SLC12A3: variants seen among roughly 807,000 people sequenced by gnomAD.
SLC12A3 encodes the protein Na-Cl cotransporter.
Under a neutral mutation model 121.0 loss-of-function variants are expected in SLC12A3, and 104 were observed. The ratio of observed to expected loss-of-function variants is 0.86; its 90% CI spans 0.73 to 1.01. The LOEUF (loss-of-function observed/expected upper bound fraction) is 1.01, where lower values mean the gene tolerates loss of function less well. Ranked by LOEUF, SLC12A3 falls within the 50% of genes least tolerant of loss-of-function variation. The pLI, the probability that SLC12A3 is intolerant of heterozygous loss-of-function variation, is 0.00. For synonymous variants in SLC12A3, 536 were observed against 533.4 expected (o/e 1.00, Z -0.07); for missense variants, 1,328 against 1,356.3 (o/e 0.98, Z 0.33).
At chr16:56,881,141 G>T (rs1193152282) in intron 12 of SLC12A3, among the ~76,000 whole-genome samples, 8 of 152,206 alleles carry the variant, frequency 5.3e-5, no homozygotes, top group Admixed American at 2.0e-4. Flanking sequence ...AGTGGGATGG[G>T]GGTAGACTAC....
At chr16:56,896,071 A>G (rs1300052180) in intron 22 of SLC12A3, among the ~76,000 whole-genome samples, 1 of 152,246 alleles carries the variant, frequency 6.6e-6, no homozygotes, top group African/African-American at 2.4e-5. Flanking sequence ...GGCCATGGTC[A>G]GTACCTGTTG....
chr16:56,872,578 G>A (rs2055112245), intron 7 of SLC12A3, 78 bp from the exon 8 acceptor site: 1 of 1,605,940 alleles, frequency 6.2e-7, no homozygotes, highest in Non-Finnish European at 8.5e-7. Flanking sequence ...ATGGTCAGGG[G>A]CTGCCTGCCC....
At chr16:56,891,839 C>T (rs193195824) in intron 19 of SLC12A3, among the ~76,000 whole-genome samples, 50 of 152,294 alleles carry the variant, frequency 3.3e-4, no homozygotes, top group African/African-American at 1.2e-3. Flanking sequence ...CCCACCGCCA[C>T]GGCCCAAGGT....
At chr16:56,891,587 A>G (rs2055389382) in intron 19 of SLC12A3, among the ~76,000 whole-genome samples, 2 of 152,112 alleles carry the variant, frequency 1.3e-5, no homozygotes, top group African/African-American at 2.4e-5. Context: ...CTCCTGACCA[A>G]CGCTGCTCTT....
chr16:56,879,088 G>T lies in SLC12A3; in HGVS notation c.1196G>T (p.Arg399Leu), dbSNP rs13306668. The change falls in exon 10 of 26, where the codon CGT becomes CTT. Residue 399 changes from arginine (R) to leucine (L), a missense_variant. Physicochemically the swap from Arg to Leu is moderately radical, Grantham distance 102. Transcript: ENST00000563236. ...ISATIGSCVV[R>L]DASGVLNDTV... Reference sequence around the variant, plus strand: ...CTCCTCTCAGGCTCCTGCGTGGTGCGTGATGCCTCTGGGGTCCTGAATGAC... The same window carrying T: ...CTCCTCTCAGGCTCCTGCGTGGTGCTTGATGCCTCTGGGGTCCTGAATGAC... 3.4e-5 allele frequency: 54 copies of T among 1,611,700 alleles called. No homozygotes were observed. The highest frequency in any genetic ancestry group is 7.7e-5 in the South Asian group (7 of 90,656).
intron 9 of SLC12A3, 108 bp downstream of exon 9, chr16:56,878,269 C>A (rs2055192620): frequency 1.2e-6 from 1 of 848,616 alleles, no homozygotes; most frequent in Non-Finnish European, 2.0e-6. Flanking sequence ...GTTCGACTCT[C>A]TAACAACAGG....
At chr16:56,900,991 C>T (rs968839040) in intron 23 of SLC12A3, among the ~76,000 whole-genome samples, 7 of 152,186 alleles carry the variant, frequency 4.6e-5, no homozygotes, top group Admixed American at 1.3e-4. Context: ...CCACTGCCCC[C>T]GCTGTCTGAG....
chr16:56,903,489 G>GTGACA (rs2055566402), intron 24 of SLC12A3, among the ~76,000 whole-genome samples: 1 of 152,170 alleles, frequency 6.6e-6, no homozygotes, highest in African/African-American at 2.4e-5. Flanking sequence ...CTCGGGGGTG[G>GTGACA]GGCTGCTACT....
chr16:56,902,198 C>T, intron 23 of SLC12A3, 175 bp from the exon 24 acceptor site: 1 of 769,194 alleles, frequency 1.3e-6, no homozygotes. Flanking sequence ...GGATGCCAGA[C>T]CCAGCCAGCA....
chr16:56,899,030 C>T (rs1421453774), intron 22 of SLC12A3, among the ~76,000 whole-genome samples: 1 of 152,176 alleles, frequency 6.6e-6, no homozygotes, highest in Non-Finnish European at 1.5e-5. Context: ...GAGATGGCCA[C>T]CAGATACTTG....
rs1210618789 is a variant in SLC12A3 at position 56,880,388 on chromosome 16, A to G, written c.1567+135A>G. On this transcript the variant is annotated intron_variant, in intron 12 of 25. Transcript: ENST00000563236. ...GACAGTTAGTGGGCACTAAGAGGCT[A>G]AGTCTTGAGGGGTGAGACCCCACCT... 11 of 1,139,138 alleles carry G rather than the reference A, an allele frequency of 9.7e-6. No individual in the cohort carries two copies. In the East Asian group the frequency reaches 2.6e-4, roughly 27 times the overall value. The allele number at this position is 1,139,138 out of a possible 1,614,324, so 70.6% of individuals were successfully genotyped here.
At chr16:56,906,184 AT>A (rs2055605979) in intron 25 of SLC12A3, among the ~76,000 whole-genome samples, 1 of 152,078 alleles carries the variant, frequency 6.6e-6, no homozygotes, top group Non-Finnish European at 1.5e-5. Context: ...AACTCAAACT[AT>A]TTTCCCCCTA....
intron 23 of SLC12A3, among the ~76,000 whole-genome samples, chr16:56,900,945 C>T (rs1481141594): frequency 2.0e-5 from 3 of 152,098 alleles, no homozygotes; most frequent in Non-Finnish European, 4.4e-5. Context: ...TCTTTGTCGA[C>T]CCCTCCTCCC....
In SLC12A3 at chr16:56,865,499, C is replaced by A. The variant is rs1964332501; in HGVS notation, c.264C>A (p.Asp88Glu). 7 of 1,612,924 alleles carry A rather than the reference C, an allele frequency of 4.3e-6. No individual in the cohort carries two copies. The highest frequency in any genetic ancestry group is 1.3e-5 in the African/African-American group (1 of 74,944). Residue 88 changes from aspartate to glutamate, a missense_variant, in exon 1 of 26, where the codon GAC (aspartate) becomes GAA (glutamate). By Grantham distance (45) the Asp-to-Glu change is conservative. Coordinates refer to ENST00000563236, the MANE Select transcript of SLC12A3 (RefSeq NM_001126108.2). ...EPRKVRPTLADLHSFLKQEGR... is the reference protein window; with the variant it reads ...EPRKVRPTLAELHSFLKQEGR... ...GGAAGGTCCGGCCCACACTGGCTGACCTGCACTCCTTCCTCAAGGTAAGTG... is the reference window on the plus strand; with the variant it reads ...GGAAGGTCCGGCCCACACTGGCTGAACTGCACTCCTTCCTCAAGGTAAGTG...
At chr16:56,898,635 A>G (rs534348550) in intron 22 of SLC12A3, among the ~76,000 whole-genome samples, 1 of 152,206 alleles carries the variant, frequency 6.6e-6, no homozygotes, top group South Asian at 2.1e-4. Flanking sequence ...GCCTGTAACA[A>G]TCTTACCCCT....
At chr16:56,876,261 C>A (rs918599260) in intron 8 of SLC12A3, among the ~76,000 whole-genome samples, 4 of 152,154 alleles carry the variant, frequency 2.6e-5, no homozygotes, top group Non-Finnish European at 5.9e-5. Flanking sequence ...ATGACCTCAT[C>A]TTTACTAACT....
At chr16:56,870,840 C>CTT (rs71152213) in intron 6 of SLC12A3, 104 bp downstream of exon 6, 2,767 of 564,828 alleles carry the variant, frequency 4.9e-3, no homozygotes, top group Non-Finnish European at 5.9e-3. Flanking sequence ...TTTTTCTTTT[C>CTT]TTTTTTTTTT....
At chr16:56,882,669 C>T (rs189890330) in intron 13 of SLC12A3, among the ~76,000 whole-genome samples, 172 bp downstream of exon 13, 113 of 151,986 alleles carry the variant, frequency 7.4e-4, no homozygotes, top group Non-Finnish European at 1.3e-3. Context: ...CGGCTGGGCT[C>T]GGTGGCTCAT....
intron 21 of SLC12A3, 139 bp from the exon 22 acceptor site, chr16:56,894,392 T>C: frequency 1.4e-6 from 1 of 697,752 alleles, no homozygotes; most frequent in Non-Finnish European, 2.7e-6. Flanking sequence ...CAGTCAGCCA[T>C]GTTCATTATA....
Sources: gnomAD v4.1 joint callset for allele counts (sites outside exome capture counted in the v4.1 genomes callset) on GRCh38, gnomAD v4.1.1 for gene constraint, MANE v1.5 for transcripts, NCBI Gene and HGNC (gene_info 2026-07-23, HGNC 2026-07-21) for gene names.